Variants in SLC22A16 observed in about 807,000 individuals in gnomAD.
SLC22A16 encodes the protein solute carrier family 22 member 16, also known as WUGSC:RG331P03.1.
A neutral mutation model predicts 52.9 loss-of-function variants in SLC22A16; 53 were observed. The ratio of observed to expected loss-of-function variants is 1.00; its 90% confidence interval spans 0.80 to 1.26. The LOEUF is 1.26. Among genes scored for constraint, SLC22A16 ranks in the 50% most tolerant of loss-of-function variants. The probability of loss-of-function intolerance (pLI) is 0.00; values close to 1 mark genes in which losing one functional copy is unlikely to be tolerated. For missense variants in SLC22A16, 726 were observed against 704.0 expected (o/e 1.03, Z -0.35); for synonymous variants, 291 against 268.8 (o/e 1.08, Z -0.81).
intron 1 of SLC22A16, among the ~76,000 whole-genome samples, chr6:110,464,617 G>A (rs1476071082): frequency 2.6e-5 from 4 of 151,788 alleles, no homozygotes; most frequent in Admixed American, 6.6e-5. Context: ...GACCAATAAC[G>A]AGTAATGAAA....
intron 2 of SLC22A16, among the ~76,000 whole-genome samples, chr6:110,450,713 G>C (rs1346295919): frequency 6.6e-6 from 1 of 150,500 alleles, no homozygotes; most frequent in East Asian, 1.9e-4. Flanking sequence ...GGTGGGATCA[G>C]ATCTTATTTC....
rs372053196 is a variant in SLC22A16, at chr6:110,434,281, T to C, written c.1421+1571A>G. Among the ~76,000 whole-genome samples the C allele has an allele frequency of 1.6e-3, 241 of 152,068 alleles. 2 individuals are homozygous for C. Among genetic ancestry groups the C allele is most frequent in the African/African-American group, 5.7e-3 (236 of 41,482 alleles). ...ATCCAATGGAGAATCAGAGAAAAGA[T>C]CCCTTCCCTTTATAGCTGGGGTCCC... is the stretch of plus-strand genomic sequence containing the variant. On this transcript the variant is annotated intron_variant, in intron 6 of 7. Transcript: ENST00000368919.
chr6:110,441,804 T>C (rs1774977340), intron 4 of SLC22A16, among the ~76,000 whole-genome samples: 5 of 152,210 alleles, frequency 3.3e-5, no homozygotes, highest in Admixed American at 3.3e-4. Context: ...TCATGGTGGC[T>C]CATTCTGACT....
rs749978546 is a variant in SLC22A16, at chr6:110,457,013, G to C, written c.58C>G (p.Gln20Glu). 2 of 1,522,878 alleles carry C rather than the reference G, an allele frequency of 1.3e-6. No homozygotes were observed. Among genetic ancestry groups the C allele is most frequent in the Admixed American group, 4.5e-5 (2 of 44,640 alleles). The allele number at this position is 1,522,878 out of a possible 1,614,324, so 94.3% of individuals were successfully genotyped here. A position where few individuals can be genotyped will look rare whatever the true frequency, so the allele number is the denominator to read the frequency against. Residue 20 changes from glutamine to glutamate, a missense_variant, in exon 2 of 8, where the codon CAG becomes GAG. Physicochemically the swap from Gln to Glu is conservative, Grantham distance 29 (BLOSUM62 2). Coordinates refer to ENST00000368919, the MANE Select transcript of SLC22A16 (RefSeq NM_033125.4). The part of the protein sequence containing the change: ...YDHVGHFGRF[Q>E]RVLYFICAFQ... ...GCACATATGAAATAGAGGACTCTCT[G>C]GAATCTGCAAGAGAAGAAAAGCTAA...
At chr6:110,469,798 A>C (rs996985114) in intron 1 of SLC22A16, among the ~76,000 whole-genome samples, 2 of 152,234 alleles carry the variant, frequency 1.3e-5, no homozygotes, top group Admixed American at 1.3e-4. Context: ...AAAAGACATT[A>C]CACTAATGGG....
At chr6:110,466,774 G>T (rs1776077858) in intron 1 of SLC22A16, among the ~76,000 whole-genome samples, 1 of 152,078 alleles carries the variant, frequency 6.6e-6, no homozygotes, top group South Asian at 2.1e-4. Flanking sequence ...CCACTACTGG[G>T]TATTTACCCA....
chr6:110,441,222 A>C (rs1296629005), intron 4 of SLC22A16, among the ~76,000 whole-genome samples: 1 of 152,242 alleles, frequency 6.6e-6, no homozygotes, highest in African/African-American at 2.4e-5. Flanking sequence ...CAGCAGAAGC[A>C]ATAGCCAATA....
chr6:110,442,102 T>C (rs1003292888), intron 4 of SLC22A16, 142 bp downstream of exon 4: 2 of 733,906 alleles, frequency 2.7e-6, no homozygotes, highest in African/African-American at 1.8e-5. Context: ...ATCATAATAA[T>C]ATGGTTGGCA....
intron 1 of SLC22A16, among the ~76,000 whole-genome samples, chr6:110,470,805 G>C (rs369462527): frequency 6.6e-6 from 1 of 152,094 alleles, no homozygotes; most frequent in South Asian, 2.1e-4. Context: ...TGGGGTCAAG[G>C]CCCCTACAAG....
At chr6:110,457,168 T>C (rs1426113288) in intron 1 of SLC22A16, 151 bp from the exon 2 acceptor site, 24 of 764,862 alleles carry the variant, frequency 3.1e-5, no homozygotes, top group Non-Finnish European at 4.3e-5. Context: ...ATCTGTGGGT[T>C]AGTATATATA....
At chr6:110,437,248 G>A (rs566536050) in intron 5 of SLC22A16, among the ~76,000 whole-genome samples, 13 of 152,238 alleles carry the variant, frequency 8.5e-5, no homozygotes, top group African/African-American at 2.4e-4. Flanking sequence ...GAGATTTGTC[G>A]TTGTGGGTTA....
intron 7 of SLC22A16, among the ~76,000 whole-genome samples, chr6:110,427,497 C>T (rs1023836299): frequency 7.9e-5 from 12 of 152,114 alleles, no homozygotes; most frequent in Admixed American, 7.2e-4. Context: ...TAGAACAGCG[C>T]CTGGCTGCAG....
chr6:110,455,730 A>G (rs1265053141), intron 2 of SLC22A16: 1 of 152,206 alleles, frequency 6.6e-6, no homozygotes, highest in Admixed American at 6.5e-5. Context: ...CTCCAGTGCA[A>G]CACTATTAAG....
intron 1 of SLC22A16, among the ~76,000 whole-genome samples, chr6:110,466,762 T>TC (rs1776077411): frequency 6.6e-6 from 1 of 152,194 alleles, no homozygotes; most frequent in South Asian, 2.1e-4. Context: ...GATCCAGCAA[T>TC]CCCACTACTG....
At chr6:110,454,604 TTA>T (rs1349194304) in intron 2 of SLC22A16, among the ~76,000 whole-genome samples, 2 of 88,666 alleles carry the variant, frequency 2.3e-5, no homozygotes, top group African/African-American at 1.0e-4. Flanking sequence ...TTTATATATA[TTA>T]TATATTTTAT....
intron 7 of SLC22A16, among the ~76,000 whole-genome samples, chr6:110,430,135 G>C (rs1371745766): frequency 1.3e-5 from 2 of 152,020 alleles, no homozygotes; most frequent in Non-Finnish European, 2.9e-5. Context: ...AGCGCAAGGA[G>C]AAGACTGGGA....
intron 7 of SLC22A16, chr6:110,425,349 T>C (rs1285243705): frequency 7.2e-7 from 1 of 1,393,622 alleles, no homozygotes; most frequent in Admixed American, 2.2e-5. Flanking sequence ...AGCTACTGCC[T>C]GCATTATTAC....
chr6:110,434,785 C>A (rs893023446), intron 6 of SLC22A16, among the ~76,000 whole-genome samples: 1 of 152,150 alleles, frequency 6.6e-6, no homozygotes, highest in African/African-American at 2.4e-5. Flanking sequence ...CGAGACCAGC[C>A]TGACCAACAT....
chr6:110,431,337 T>C, intron 6 of SLC22A16, 67 bp from the exon 7 acceptor site: 2 of 1,316,720 alleles, frequency 1.5e-6, no homozygotes, highest in Non-Finnish European at 2.2e-6. Context: ...GGGACCTGCT[T>C]CCTGCAGCTC....
Sources: gnomAD v4.1 joint callset for allele counts (sites outside exome capture counted in the v4.1 genomes callset) on GRCh38, gnomAD v4.1.1 for gene constraint, MANE v1.5 for transcripts, NCBI Gene and HGNC (gene_info 2026-07-23, HGNC 2026-07-21) for gene names.